Variants in OTOGL observed in about 807,000 individuals in gnomAD.
OTOGL encodes otogelin like, also known as otogelin-like protein.
Under a neutral mutation model 318.5 loss-of-function variants are expected in OTOGL, and 285 were observed. The observed-to-expected ratio is 0.89, with a 90% CI of 0.81 to 0.99. The LOEUF is 0.99. OTOGL is among the 50% of genes least tolerant of loss of function. OTOGL has a pLI of 0.00. For synonymous variants in OTOGL, 987 were observed against 936.5 expected (o/e 1.05, Z -0.99); for missense variants, 2,899 against 2,845.6 (o/e 1.02, Z -0.43).
In OTOGL at chr12:80,259,810, T is replaced by C. The variant is rs1234596463; in HGVS notation, c.1889+1808T>C. ...TCCAAGTCTTTGCTATTGTAAATAG[T>C]GCTGTAATAAAATATATGTGCTTTT... On this transcript the variant is annotated intron_variant, in intron 18 of 58. Transcript: ENST00000547103. Among the ~76,000 whole-genome samples, 6 of 152,232 alleles carry C rather than the reference T, an allele frequency of 3.9e-5. No individual in the cohort carries two copies. The South Asian group carries it at 6.2e-4, about 16-fold the overall frequency.
At position 80,336,792 on chromosome 12, in the gene OTOGL, T is replaced by C. The variant is rs961040550; in HGVS notation, c.4744-5T>C. 1.7e-5 allele frequency: 26 copies of C among 1,497,352 alleles called. No homozygotes were observed. In the African/African-American group the frequency reaches 3.0e-4, roughly 17 times the overall value. The allele number at this position is 1,497,352 out of a possible 1,614,324, so 92.8% of individuals were successfully genotyped here. The stretch of plus-strand genomic sequence containing the variant: ...ATTTAAAAGTATTTCTTTTTTTTTT[T>C]CCAGAATGGAAACTCCTTAAAAAAG... On this transcript the variant is annotated splice_region_variant and splice_polypyrimidine_tract_variant and intron_variant, in intron 40 of 58. Transcript: ENST00000547103.
chr12:80,335,332 G>C (rs1888323388), intron 38 of OTOGL, among the ~76,000 whole-genome samples: 1 of 151,996 alleles, frequency 6.6e-6, no homozygotes, highest in Admixed American at 6.6e-5. Context: ...CTACCTTAGA[G>C]GGTTAAGAGA....
At chr12:80,123,773 T>A (rs1870634541) in intron 1 of OTOGL, among the ~76,000 whole-genome samples, 1 of 152,222 alleles carries the variant, frequency 6.6e-6, no homozygotes, top group Admixed American at 6.5e-5. Context: ...TTGATTTGCA[T>A]TTCTCTGATG....
chr12:80,105,493 G>T (rs546676053), intron 1 of OTOGL, among the ~76,000 whole-genome samples: 11 of 152,280 alleles, frequency 7.2e-5, no homozygotes, highest in Non-Finnish European at 1.2e-4. Context: ...AGGATAACCT[G>T]CAGATTTTTA....
In OTOGL at chr12:80,254,536, T is replaced by C. The variant is rs1315343453; in HGVS notation, c.1407T>C (p.Gly469=). The part of the protein sequence containing the change: ...EQECTECVCV[G]GVWNCTEQDC... ...TAATTTCTTTTAGTGTGTGTGTTGGTGGAGTTTGGAACTGCACTGAGCAAG... is the reference window on the plus strand; with the variant it reads ...TAATTTCTTTTAGTGTGTGTGTTGGCGGAGTTTGGAACTGCACTGAGCAAG... Residue 469 remains glycine, a synonymous_variant, in exon 15 of 59, where the codon GGT becomes GGC. Transcript: ENST00000547103. The C allele has an allele frequency of 6.2e-7, 1 of 1,607,812 alleles. No homozygotes were observed. Among genetic ancestry groups the C allele is most frequent in the Admixed American group, 1.7e-5 (1 of 59,784 alleles).
At chr12:80,229,473 G>A in intron 8 of OTOGL, 95 bp downstream of exon 8, 1 of 1,423,722 alleles carries the variant, frequency 7.0e-7, no homozygotes, top group Non-Finnish European at 9.5e-7. Context: ...AGAGTAGGAA[G>A]AGAGGATTTC....
chr12:80,323,016 A>G (rs1475446106), intron 34 of OTOGL, among the ~76,000 whole-genome samples: 1 of 151,882 alleles, frequency 6.6e-6, no homozygotes, highest in Non-Finnish European at 1.5e-5. Context: ...AAATAGAATA[A>G]TGGATGGACA....
chr12:80,323,140 A>ACT, intron 34 of OTOGL, among the ~76,000 whole-genome samples: 1 of 65,728 alleles, frequency 1.5e-5, no homozygotes, highest in African/African-American at 3.7e-5. Context: ...ACACACACAC[A>ACT]CACACACATA....
intron 1 of OTOGL, among the ~76,000 whole-genome samples, chr12:80,155,660 AATT>A (rs1203216925): frequency 6.6e-6 from 1 of 152,192 alleles, no homozygotes; most frequent in Non-Finnish European, 1.5e-5. Context: ...TGTACAATTA[AATT>A]ATTATTGACT....
intron 4 of OTOGL, among the ~76,000 whole-genome samples, chr12:80,212,212 A>AT (rs560601938): frequency 1.0e-3 from 153 of 149,144 alleles, no homozygotes; most frequent in Non-Finnish European, 1.5e-3. Flanking sequence ...TAAAATACAC[A>AT]TTTTTTTTTT....
At chr12:80,259,419 G>A (rs887057522) in intron 18 of OTOGL, among the ~76,000 whole-genome samples, 1 of 151,708 alleles carries the variant, frequency 6.6e-6, no homozygotes, top group Non-Finnish European at 1.5e-5. Flanking sequence ...GAATGTGCAG[G>A]TTTGTTACAT....
chr12:80,127,677 C>G (rs865802360), intron 1 of OTOGL, among the ~76,000 whole-genome samples: 8 of 152,204 alleles, frequency 5.3e-5, no homozygotes, highest in Non-Finnish European at 1.2e-4. Flanking sequence ...TCAGGTACAC[C>G]AATCAGATGT....
intron 1 of OTOGL, among the ~76,000 whole-genome samples, chr12:80,178,557 C>T (rs976266348): frequency 1.3e-5 from 2 of 152,090 alleles, no homozygotes; most frequent in African/African-American, 4.8e-5. Flanking sequence ...AGTCCTGTCT[C>T]CTTAACTTAG....
chr12:80,154,446 A>G (rs946698944), intron 1 of OTOGL, among the ~76,000 whole-genome samples: 1 of 152,172 alleles, frequency 6.6e-6, no homozygotes, highest in African/African-American at 2.4e-5. Context: ...GCCTGCACCA[A>G]ATAAGGCAGC....
At chr12:80,116,391 C>A (rs1870167736) in intron 1 of OTOGL, among the ~76,000 whole-genome samples, 1 of 151,996 alleles carries the variant, frequency 6.6e-6, no homozygotes. Flanking sequence ...CACTGTCTAA[C>A]AAGTCCCAGT....
At position 80,368,391 on chromosome 12, in the gene OTOGL, C is replaced by CCA. The variant is rs369467348; in HGVS notation, c.6615+82_6615+83insCA. ...TCAAAGTTTGGAAAATGTCCCCCCC[C>CCA]ACACACACTGCACTGCATACAATAA... On this transcript the variant is annotated intron_variant, in intron 55 of 58. Coordinates refer to ENST00000547103, the MANE Select transcript of OTOGL (RefSeq NM_001378609.3). The CCA allele has an allele frequency of 1.4e-3, 1,244 of 875,604 alleles. 8 individuals are homozygous for CCA. Among genetic ancestry groups the CCA allele is most frequent in the South Asian group, 7.1e-3 (450 of 63,648 alleles). The allele number at this position is 875,604 out of a possible 1,614,324, so 54.2% of individuals were successfully genotyped here. A position where few individuals can be genotyped will look rare whatever the true frequency, so the allele number is the denominator to read the frequency against.
intron 27 of OTOGL, among the ~76,000 whole-genome samples, chr12:80,299,867 T>A (rs968539764): frequency 1.8e-4 from 28 of 152,160 alleles, no homozygotes; most frequent in African/African-American, 6.3e-4. Context: ...TATTTAAGAA[T>A]CTGAAAAGTA....
intron 2 of OTOGL, among the ~76,000 whole-genome samples, 199 bp from the exon 3 acceptor site, chr12:80,210,648 C>A (rs1278450968): frequency 2.0e-5 from 3 of 152,078 alleles, no homozygotes; most frequent in African/African-American, 7.2e-5. Flanking sequence ...ATGTACACTG[C>A]CCTTTCTTTT....
chr12:80,246,049 A>C (rs1178458613), intron 11 of OTOGL, among the ~76,000 whole-genome samples: 1 of 149,368 alleles, frequency 6.7e-6, no homozygotes, highest in East Asian at 1.9e-4. Flanking sequence ...TTACCAGCTT[A>C]AGGAGATTTT....
Sources: gnomAD v4.1 joint callset for allele counts (sites outside exome capture counted in the v4.1 genomes callset) on GRCh38, gnomAD v4.1.1 for gene constraint, MANE v1.5 for transcripts, NCBI Gene and HGNC (gene_info 2026-07-23, HGNC 2026-07-21) for gene names.